The following NFE2L1 variants were observed in gnomAD, a reference collection of about 807,000 sequenced individuals.
NFE2L1 encodes the protein NFE2 like bZIP transcription factor 1, also known as endoplasmic reticulum membrane sensor NFE2L1.
A neutral mutation model predicts 61.6 loss-of-function variants in NFE2L1; 18 were observed. The ratio of observed to expected loss-of-function variants is 0.29; its 90% CI spans 0.20 to 0.43. NFE2L1 has a LOEUF of 0.43. Ranked by LOEUF, NFE2L1 falls within the 20% of genes least tolerant of loss-of-function variation. NFE2L1 has a pLI of 1.00. For missense variants in NFE2L1, 827 were observed against 973.5 expected (o/e 0.85, Z 2.00); for synonymous variants, 419 against 402.7 (o/e 1.04, Z -0.48).
intron 5 of NFE2L1, among the ~76,000 whole-genome samples, chr17:48,057,712 C>T (rs2037439277): frequency 6.6e-6 from 1 of 152,210 alleles, no homozygotes; most frequent in African/African-American, 2.4e-5. Flanking sequence ...AAACTCAGGA[C>T]TCAGCCTTCC....
rs765530489 is a variant in NFE2L1, at chr17:48,059,648, G to A, written c.*7G>A. ...AAAGGACCGGAGAAAGTGAGCCTGG[G>A]GAAGAAGGGGGTTTGAAGCCCACCA... On this transcript the variant is annotated 3_prime_UTR_variant, in exon 6 of 6. Transcript: ENST00000362042. The surrounding 1 kb of genome is among the most constrained non-coding windows in gnomAD (Gnocchi z 6.1). The A allele has an allele frequency of 6.5e-7, 1 of 1,536,178 alleles. No homozygotes were observed. Among genetic ancestry groups the A allele is most frequent in the Non-Finnish European group, 8.7e-7 (1 of 1,142,936 alleles).
chr17:48,052,557 C>T (rs2037281116), intron 2 of NFE2L1, among the ~76,000 whole-genome samples: 1 of 152,186 alleles, frequency 6.6e-6, no homozygotes, highest in Non-Finnish European at 1.5e-5. Flanking sequence ...CAGAAATGGG[C>T]TTCTCTGCCT....
chr17:48,049,925 T>C (rs1003700481), intron 1 of NFE2L1, among the ~76,000 whole-genome samples: 34 of 152,228 alleles, frequency 2.2e-4, no homozygotes, highest in African/African-American at 8.0e-4. Flanking sequence ...AATGGGCTTC[T>C]CATGTGAAAA....
Position 48,060,707 on chromosome 17 carries a change from T to C in NFE2L1, c.*1066T>C, listed in dbSNP as rs538932046. The stretch of plus-strand genomic sequence containing the variant: ...CAGGATTCAGCACAACACTGGGGAG[T>C]CACCCTTCCCTCGGGCCTCTGCCTA... On this transcript the variant is annotated 3_prime_UTR_variant, in exon 6 of 6. Coordinates refer to ENST00000362042, the MANE Select transcript of NFE2L1 (RefSeq NM_003204.3). 3.9e-5 allele frequency: 6 copies of C among 152,564 alleles called. No individual in the cohort carries two copies. The East Asian group carries it at 5.8e-4, about 15-fold the overall frequency. The allele number at this position is 152,564 out of a possible 1,614,324, so 9.5% of individuals were successfully genotyped here.
In NFE2L1 at chr17:48,050,955, C is replaced by A; in HGVS notation, c.-164C>A. 1.3e-6 allele frequency: 1 copy of A among 784,280 alleles called. No homozygotes were observed. Among genetic ancestry groups the A allele is most frequent in the Non-Finnish European group, 2.1e-6 (1 of 486,356 alleles). The allele number at this position is 784,280 out of a possible 1,614,324, so 48.6% of individuals were successfully genotyped here. ...TTGGCTCCACAGGGTGTGCTTTCCT[C>A]TGGGGCCGTCAGGGAGCTCATCCCT... On this transcript the variant is annotated 5_prime_UTR_variant, in exon 2 of 6. The change creates a new upstream start codon in the 5' untranslated region. Transcript: ENST00000362042.
intron 2 of NFE2L1, among the ~76,000 whole-genome samples, chr17:48,054,172 T>A (rs1323599864): frequency 6.6e-6 from 1 of 152,186 alleles, no homozygotes; most frequent in Non-Finnish European, 1.5e-5. Context: ...CCAGAGAATC[T>A]GCGGGAGAAG....
At chr17:48,057,210 T>A in intron 4 of NFE2L1, 89 bp downstream of exon 4, 1 of 1,586,672 alleles carries the variant, frequency 6.3e-7, no homozygotes, top group Non-Finnish European at 8.6e-7. Context: ...CAGCTGTTGG[T>A]TCTGGCCTTA....
intron 2 of NFE2L1, among the ~76,000 whole-genome samples, chr17:48,053,814 G>A (rs1328083598): frequency 6.6e-6 from 1 of 152,154 alleles, no homozygotes; most frequent in African/African-American, 2.4e-5. Flanking sequence ...ATCAGGCAGA[G>A]AATGCTCTTG....
intron 1 of NFE2L1, among the ~76,000 whole-genome samples, 187 bp from the exon 2 acceptor site, chr17:48,050,420 A>G (rs903700998): frequency 6.6e-6 from 1 of 152,094 alleles, no homozygotes; most frequent in Non-Finnish European, 1.5e-5. Flanking sequence ...TGGAGGTTGC[A>G]GTGAGCACAG....
At chr17:48,054,966 G>T in intron 2 of NFE2L1, 1 of 1,472,772 alleles carries the variant, frequency 6.8e-7, no homozygotes, top group Non-Finnish European at 8.9e-7. Flanking sequence ...GCTCCTTGCA[G>T]CCCCCTGTCC....
At chr17:48,057,320 T>G (rs2037428560) in intron 4 of NFE2L1, 24 bp from the exon 5 acceptor site, 1 of 1,609,884 alleles carries the variant, frequency 6.2e-7, no homozygotes, top group African/African-American at 1.3e-5. Flanking sequence ...TCCCCCTTGT[T>G]AAAGCCTCTG....
At chr17:48,050,552 C>T (rs766742517) in intron 1 of NFE2L1, 55 bp from the exon 2 acceptor site, 4 of 405,242 alleles carry the variant, frequency 9.9e-6, no homozygotes, top group African/African-American at 2.1e-5. Context: ...CTACCCTGAT[C>T]ATGATGTGAA....
At chr17:48,056,733 T>C (rs2037410852) in intron 3 of NFE2L1, 135 bp downstream of exon 3, 6 of 1,147,448 alleles carry the variant, frequency 5.2e-6, no homozygotes, top group Admixed American at 2.4e-5. Context: ...CTGTTTTGGG[T>C]TGGGGTCTGT....
chr17:48,058,355 C>G lies in NFE2L1; in HGVS notation c.1033C>G (p.Leu345Val). The G allele has an allele frequency of 1.2e-6, 2 of 1,613,936 alleles. No individual in the cohort carries two copies. Among genetic ancestry groups the G allele is most frequent in the Non-Finnish European group, 1.7e-6 (2 of 1,179,912 alleles). Residue 345 changes from leucine to valine, a missense_variant, in exon 6 of 6, where the codon CTG becomes GTG. Coordinates refer to ENST00000362042, the MANE Select transcript of NFE2L1 (RefSeq NM_003204.3). ...GTACAGTGCCCCTCCTGGAGACCCA[C>G]TGAGCACCAACTACAGCCTTGCCCC... ...ILYSAPPGDPLSTNYSLAPNT... is the reference protein window; with the variant it reads ...ILYSAPPGDPVSTNYSLAPNT...
Position 48,051,977 on chromosome 17 carries a change from C to A in NFE2L1, c.510+349C>A, listed in dbSNP as rs1263068907. Among the ~76,000 whole-genome samples the A allele has an allele frequency of 2.6e-5, 4 of 152,234 alleles. No homozygotes were observed. In the East Asian group the frequency reaches 7.7e-4, roughly 29 times the overall value. ...GCTTTGATGCAGTGTACATCTGTTG[C>A]TAAGACACAAATACTTTTTGGACTC... On this transcript the variant is annotated intron_variant, in intron 2 of 5. Transcript: ENST00000362042.
In NFE2L1 at chr17:48,051,232, A is replaced by C; in HGVS notation, c.114A>C (p.Pro38=). The change falls in exon 2 of 6, where the codon CCA becomes CCC. Residue 38 remains proline, a synonymous_variant. Coordinates refer to ENST00000362042, the MANE Select transcript of NFE2L1 (RefSeq NM_003204.3). ...VDTYLTSQLP[P]LREIILGPSS... is the part of the protein sequence containing the mutation. ...CTTACCTGACCTCACAGCTTCCCCC[A>C]CTCCGGGAGATCATCCTGGGGCCCA... is the stretch of plus-strand genomic sequence containing the variant. The C allele has an allele frequency of 6.2e-7, 1 of 1,613,936 alleles. No individual in the cohort carries two copies. Among genetic ancestry groups the C allele is most frequent in the Non-Finnish European group, 8.5e-7 (1 of 1,179,968 alleles).
chr17:48,051,173 C>T lies in NFE2L1; in HGVS notation c.55C>T (p.Leu19=), dbSNP rs774340613. 5 of 1,614,090 alleles carry T rather than the reference C, an allele frequency of 3.1e-6. No individual in the cohort carries two copies. In the African/African-American group the frequency reaches 6.7e-5, roughly 22 times the overall value. Residue 19 remains leucine, a synonymous_variant, in exon 2 of 6, where the codon CTG becomes TTG. Transcript: ENST00000362042. ...TEGLLQFTIL[L]SLIGVRVDVD... ...AGGACTTCTCCAGTTCACCATTCTG[C>T]TGAGTTTGATTGGGGTACGGGTGGA...
At chr17:48,057,776 G>A (rs2144388260) in intron 5 of NFE2L1, among the ~76,000 whole-genome samples, 1 of 152,236 alleles carries the variant, frequency 6.6e-6, no homozygotes, top group Non-Finnish European at 1.5e-5. Context: ...AGGCAGATAG[G>A]CACTTGGCTG....
intron 5 of NFE2L1, among the ~76,000 whole-genome samples, chr17:48,057,759 T>G (rs2037440136): frequency 6.6e-6 from 1 of 152,200 alleles, no homozygotes; most frequent in Non-Finnish European, 1.5e-5. Context: ...CCTTCTTCCT[T>G]TCCTTCAGGC....
Sources: gnomAD v4.1 joint callset for allele counts (sites outside exome capture counted in the v4.1 genomes callset) on GRCh38, gnomAD v4.1.1 for gene constraint, Gnocchi (gnomAD v3.1) non-coding constraint, MANE v1.5 for transcripts, NCBI Gene and HGNC (gene_info 2026-07-23, HGNC 2026-07-21) for gene names.